The following BLM variants were observed in gnomAD, a reference collection of about 807,000 sequenced individuals.
BLM encodes the protein recQ-like DNA helicase BLM.
A neutral mutation model predicts 135.3 loss-of-function variants in BLM; 95 were observed. That is an observed-to-expected ratio of 0.70 (90% CI 0.59 to 0.83). The LOEUF (loss-of-function observed/expected upper bound fraction) is 0.83, where lower values mean the gene tolerates loss of function less well. Ranked by LOEUF, BLM falls within the 40% of genes least tolerant of loss-of-function variation. BLM has a pLI of 0.00. For synonymous variants in BLM, 520 were observed against 589.2 expected, an observed-to-expected ratio of 0.88 and a Z score of 1.70; for missense variants, 1,518 against 1,663.9, an observed-to-expected ratio of 0.91 and a Z score of 1.53.
intron 17 of BLM, among the ~76,000 whole-genome samples, chr15:90,801,446 A>AT (rs11400039): frequency 0.66 from 99,602 of 152,008 alleles, 32,985 homozygotes; most frequent in East Asian, 0.82. Flanking sequence ...GACATCTCAC[A>AT]TGTGGGAAGG....
intron 1 of BLM, among the ~76,000 whole-genome samples, chr15:90,734,819 C>A (rs1017739392): frequency 3.3e-5 from 5 of 152,008 alleles, no homozygotes; most frequent in African/African-American, 1.2e-4. Flanking sequence ...GAGATACTCA[C>A]CAACTCCACT....
intron 16 of BLM, among the ~76,000 whole-genome samples, chr15:90,795,264 AG>A (rs1189812523): frequency 3.7e-4 from 56 of 152,222 alleles, no homozygotes; most frequent in African/African-American, 1.3e-3. Flanking sequence ...GGATCACCTG[AG>A]GTCAAGAGTT....
chr15:90,717,356 G>C lies in BLM; in HGVS notation c.-89G>C, dbSNP rs923303237. The stretch of plus-strand genomic sequence containing the variant: ...GGAATAGGCAAGCTTCCGGCGGGAA[G>C]TGAGCCAGGGCTTGGCGCGGCGGCC... On this transcript the variant is annotated 5_prime_UTR_variant, in exon 1 of 22. Transcript: ENST00000355112. 2.6e-5 allele frequency: 4 copies of C among 152,402 alleles called. No individual in the cohort carries two copies. The highest frequency in any genetic ancestry group is 6.5e-5 in the Admixed American group (1 of 15,290). 9.4% of individuals were successfully genotyped at this position (152,402 alleles called of 1,614,324 possible). A position where few individuals can be genotyped will look rare whatever the true frequency, so the allele number is the denominator to read the frequency against.
chr15:90,798,723 T>G (rs1897091783), intron 17 of BLM, among the ~76,000 whole-genome samples: 1 of 152,186 alleles, frequency 6.6e-6, no homozygotes, highest in Admixed American at 6.6e-5. Context: ...GGCTCACACC[T>G]GTAATCCCAG....
intron 10 of BLM, 110 bp downstream of exon 10, chr15:90,767,133 C>A (rs1428938156): frequency 4.6e-6 from 3 of 655,594 alleles, no homozygotes; most frequent in African/African-American, 3.7e-5. Context: ...TTTTGTACAA[C>A]TTTCATCCAG....
chr15:90,743,355 A>G (rs763622995), intron 1 of BLM, among the ~76,000 whole-genome samples: 4 of 152,174 alleles, frequency 2.6e-5, no homozygotes, highest in African/African-American at 7.2e-5. Context: ...CATTTTCCAG[A>G]TTGAACTTGT....
At chr15:90,765,188 G>T in intron 8 of BLM, 108 bp from the exon 9 acceptor site, 4 of 885,040 alleles carry the variant, frequency 4.5e-6, no homozygotes, top group Non-Finnish European at 3.8e-6. Context: ...TTGGCACCAG[G>T]GACAATATGC....
At chr15:90,726,190 T>C (rs1172583021) in intron 1 of BLM, among the ~76,000 whole-genome samples, 1 of 152,210 alleles carries the variant, frequency 6.6e-6, no homozygotes, top group Non-Finnish European at 1.5e-5. Context: ...GTATAGTACA[T>C]TATTGTTAAC....
At chr15:90,765,027 C>G (rs1288097351) in intron 8 of BLM, among the ~76,000 whole-genome samples, 2 of 152,064 alleles carry the variant, frequency 1.3e-5, no homozygotes, top group African/African-American at 4.8e-5. Context: ...TCAGATGGCA[C>G]CACTGCACTC....
At chr15:90,804,029 CCT>C in intron 18 of BLM, 136 bp from the exon 19 acceptor site, 1 of 810,332 alleles carries the variant, frequency 1.2e-6, no homozygotes, top group Non-Finnish European at 2.0e-6. Flanking sequence ...ATGCACAGCC[CCT>C]GTTCCCAGTG....
intron 1 of BLM, among the ~76,000 whole-genome samples, chr15:90,744,763 A>G (rs1895456560): frequency 6.6e-6 from 1 of 151,304 alleles, no homozygotes; most frequent in Non-Finnish European, 1.5e-5. Flanking sequence ...AAAAAGAATC[A>G]GGGAGGCTGG....
chr15:90,740,283 C>T (rs2151139704), intron 1 of BLM, among the ~76,000 whole-genome samples: 1 of 152,248 alleles, frequency 6.6e-6, no homozygotes, highest in Non-Finnish European at 1.5e-5. Context: ...TACACTGTAT[C>T]CATGGATATG....
intron 5 of BLM, among the ~76,000 whole-genome samples, chr15:90,759,324 G>A (rs920579106): frequency 2.0e-5 from 3 of 151,868 alleles, no homozygotes; most frequent in Non-Finnish European, 2.9e-5. Context: ...CACTTTAGGA[G>A]GCCAAGGCGG....
At chr15:90,756,149 G>C (rs1895812461) in intron 5 of BLM, among the ~76,000 whole-genome samples, 1 of 151,608 alleles carries the variant, frequency 6.6e-6, no homozygotes, top group Admixed American at 6.6e-5. Flanking sequence ...TGTCACCCAG[G>C]CTGGAGTGCA....
At chr15:90,767,136 T>A in intron 10 of BLM, 113 bp downstream of exon 10, 1 of 641,594 alleles carries the variant, frequency 1.6e-6, no homozygotes, top group Non-Finnish European at 2.7e-6. Context: ...TGTACAACTT[T>A]CATCCAGAAA....
At chr15:90,725,786 C>T (rs1157532896) in intron 1 of BLM, among the ~76,000 whole-genome samples, 5 of 151,818 alleles carry the variant, frequency 3.3e-5, no homozygotes, top group Non-Finnish European at 7.4e-5. Context: ...GCTGGGATTA[C>T]AGGCGTGAGC....
intron 17 of BLM, 128 bp downstream of exon 17, chr15:90,798,465 T>C (rs1273671640): frequency 2.2e-6 from 2 of 924,338 alleles, no homozygotes; most frequent in South Asian, 1.6e-5. Context: ...AATAAAACTT[T>C]TAAGTAACAA....
chr15:90,762,473 G>A (rs1252205201), intron 7 of BLM: 1 of 163,916 alleles, frequency 6.1e-6, no homozygotes, highest in African/African-American at 2.4e-5. Context: ...CTGTGTGCAG[G>A]ACTGGAACTT....
At chr15:90,718,870 C>T (rs1237536690) in intron 1 of BLM, among the ~76,000 whole-genome samples, 1 of 152,040 alleles carries the variant, frequency 6.6e-6, no homozygotes, top group Non-Finnish European at 1.5e-5. Flanking sequence ...GGTGGTATTA[C>T]CTATGAGCAG....
Sources: allele counts gnomAD v4.1 joint callset (sites outside exome capture counted in the v4.1 genomes callset), GRCh38; gene constraint gnomAD v4.1.1; transcripts MANE v1.5; gene names NCBI Gene and HGNC (gene_info 2026-07-23, HGNC 2026-07-21).